CDK12: variants seen among roughly 807,000 people sequenced by gnomAD.
CDK12 encodes the protein cyclin-dependent kinase 12.
Under a neutral mutation model 133.8 loss-of-function variants are expected in CDK12, and 17 were observed. That is an observed-to-expected ratio of 0.13 (90% CI 0.09 to 0.19). The LOEUF (loss-of-function observed/expected upper bound fraction) is 0.19, where lower values mean the gene tolerates loss of function less well. Ranked by LOEUF, CDK12 falls within the 10% of genes least tolerant of loss-of-function variation. The pLI, the probability that CDK12 is intolerant of heterozygous loss-of-function variation, is 1.00. For synonymous variants in CDK12, 694 were observed against 683.6 expected (o/e 1.02, Z -0.24); for missense variants, 1,508 against 1,818.7 (o/e 0.83, Z 3.11).
chr17:39,484,198 C>T (rs1486053149), intron 2 of CDK12, among the ~76,000 whole-genome samples: 1 of 152,116 alleles, frequency 6.6e-6, no homozygotes, highest in Non-Finnish European at 1.5e-5. Flanking sequence ...ATTACACCCA[C>T]AGATTCAGTT....
intron 2 of CDK12, among the ~76,000 whole-genome samples, chr17:39,484,566 A>C (rs2050968875): frequency 6.6e-6 from 1 of 152,208 alleles, no homozygotes; most frequent in Admixed American, 6.6e-5. Context: ...ATTGGAATTT[A>C]CTGAAACAGG....
rs1362175278 is a variant in CDK12, at chr17:39,531,176, C to A, written c.4333C>A (p.Pro1445Thr). ...ATTGCAAAACTATGGGGAGCTGGGG[C>A]CAGGAACCACTGGGGCCAGCAGCTC... ...TKLQNYGELGPGTTGASSSGA... is the reference protein window; with the variant it reads ...TKLQNYGELGTGTTGASSSGA... The change falls in exon 14 of 14, where the codon CCA becomes ACA. Residue 1445 changes from proline to threonine, a missense_variant. By Grantham distance (38) the Pro-to-Thr change is conservative (BLOSUM62 -1). This residue lies in a region of CDK12 where 114 missense variants were observed against 101.2 expected (regional missense o/e 1.13). Transcript: ENST00000447079. 1 of 1,523,550 alleles carries A rather than the reference C, an allele frequency of 6.6e-7. No homozygotes were observed. Among genetic ancestry groups the A allele is most frequent in the South Asian group, 1.3e-5 (1 of 75,656 alleles). The allele number at this position is 1,523,550 out of a possible 1,614,324, so 94.4% of individuals were successfully genotyped here. A position where few individuals can be genotyped will look rare whatever the true frequency, so the allele number is the denominator to read the frequency against.
intron 2 of CDK12, among the ~76,000 whole-genome samples, 172 bp from the exon 3 acceptor site, chr17:39,490,385 T>G (rs375700546): frequency 3.3e-5 from 5 of 151,832 alleles, no homozygotes; most frequent in Admixed American, 2.0e-4. Context: ...AAGAAAAAAA[T>G]TAAGTATCTT....
Position 39,526,132 on chromosome 17 carries a change from A to G in CDK12, c.3576A>G (p.Ala1192=), listed in dbSNP as rs1474542535. ...CTGCCCCAGTGATCCTGCCTTCAGC[A>G]GAACAGACGACCCTTGAAGCTTCAA... ...APSAPVILPS[A]EQTTLEASST... Residue 1192 remains alanine, a synonymous_variant, in exon 13 of 14, where the codon GCA becomes GCG. Coordinates refer to ENST00000447079, the MANE Select transcript of CDK12 (RefSeq NM_016507.4). 1.1e-5 allele frequency: 17 copies of G among 1,614,120 alleles called. No homozygotes were observed. The African/African-American group carries it at 1.5e-4, about 14-fold the overall frequency.
At position 39,530,768 on chromosome 17, in the gene CDK12, G is replaced by A. The variant is rs1387854042; in HGVS notation, c.3925G>A (p.Glu1309Lys). 1.2e-6 allele frequency: 2 copies of A among 1,613,976 alleles called. No homozygotes were observed. Among genetic ancestry groups the A allele is most frequent in the African/African-American group, 1.3e-5 (1 of 74,894 alleles). The change falls in exon 14 of 14, where the codon GAA becomes AAA. Residue 1309 changes from glutamate (E) to lysine (K), a missense_variant. Coordinates refer to ENST00000447079, the MANE Select transcript of CDK12 (RefSeq NM_016507.4). ...CTTGCTGCAACTTTTATCCCAGCCT[G>A]AAGCAGAGCCTCCTGGCCACCTGCC... ...AALLQLLSQP[E>K]AEPPGHLPHE...
chr17:39,523,189 T>C (rs2054286914), intron 11 of CDK12, among the ~76,000 whole-genome samples: 1 of 152,032 alleles, frequency 6.6e-6, no homozygotes, highest in African/African-American at 2.4e-5. Flanking sequence ...AAGTCTTTTA[T>C]CTGGCCTGGC....
chr17:39,472,701 AATAACGTTCT>A (rs768500027), intron 2 of CDK12, among the ~76,000 whole-genome samples: 2 of 152,182 alleles, frequency 1.3e-5, no homozygotes, highest in Non-Finnish European at 2.9e-5. Flanking sequence ...CTCTCCTAAT[AATAACGTTCT>A]ATATAATTAC....
chr17:39,497,597 A>G (rs899762293), intron 5 of CDK12, among the ~76,000 whole-genome samples: 2 of 151,714 alleles, frequency 1.3e-5, no homozygotes, highest in African/African-American at 4.8e-5. Context: ...ATTATTTTAT[A>G]TATTATTTTA....
chr17:39,505,661 A>C (rs752719161), intron 6 of CDK12, among the ~76,000 whole-genome samples: 1 of 152,098 alleles, frequency 6.6e-6, no homozygotes, highest in Admixed American at 6.6e-5. Context: ...CATGCTTTTT[A>C]TGTACCATTG....
rs750415711 is a variant in CDK12 at position 39,520,072 on chromosome 17, A to C, written c.3080A>C (p.Lys1027Thr). The stretch of plus-strand genomic sequence containing the variant: ...TTCCTTAAAGATGTCGAACTCAGCA[A>C]AATGGCTCCTCCAGAGTAAGTGCTG... ...SDFLKDVELS[K>T]MAPPDLPHWQ... Residue 1027 changes from lysine (K) to threonine (T), a missense_variant, in exon 11 of 14, where the codon AAA (lysine) becomes ACA (threonine). This residue lies in a region of CDK12 where 399 missense variants were observed against 469.6 expected (regional missense o/e 0.85). Coordinates refer to ENST00000447079, the MANE Select transcript of CDK12 (RefSeq NM_016507.4). 48 of 1,613,924 alleles carry C rather than the reference A, an allele frequency of 3.0e-5. No homozygotes were observed. Among genetic ancestry groups the C allele is most frequent in the Non-Finnish European group, 3.8e-5 (45 of 1,179,970 alleles).
intron 1 of CDK12, among the ~76,000 whole-genome samples, chr17:39,467,814 A>C (rs1275783710): frequency 6.6e-6 from 1 of 152,038 alleles, no homozygotes; most frequent in Non-Finnish European, 1.5e-5. Context: ...GGTCAATATC[A>C]GTACCTTTCA....
intron 6 of CDK12, among the ~76,000 whole-genome samples, chr17:39,506,540 A>G (rs771292790): frequency 6.6e-6 from 1 of 151,964 alleles, no homozygotes; most frequent in African/African-American, 2.4e-5. Flanking sequence ...TATTCTTTAC[A>G]CTTGTGTTCA....
At chr17:39,547,243 C>A (rs2055757489), upstream of CDK12, among the ~76,000 whole-genome samples, 1 of 146,648 alleles carries the variant, frequency 6.8e-6, no homozygotes, top group Non-Finnish European at 1.5e-5. Context: ...TCAAGCTATA[C>A]TCCTGCCTCA....
chr17:39,511,083 C>T (rs1351569611), intron 7 of CDK12, among the ~76,000 whole-genome samples: 2 of 150,142 alleles, frequency 1.3e-5, no homozygotes, highest in African/African-American at 4.9e-5. Context: ...AGTGTGGTGG[C>T]GGGCGCCTGT....
intron 2 of CDK12, among the ~76,000 whole-genome samples, chr17:39,481,872 C>T (rs1199360671): frequency 4.6e-5 from 7 of 151,790 alleles, no homozygotes; most frequent in Non-Finnish European, 1.0e-4. Flanking sequence ...AGGCAAGCGC[C>T]ACCATGCCTG....
At chr17:39,491,085 T>C (rs1285815968) in intron 3 of CDK12, among the ~76,000 whole-genome samples, 4 of 152,144 alleles carry the variant, frequency 2.6e-5, no homozygotes, top group Non-Finnish European at 5.9e-5. Flanking sequence ...AACCAAAAAT[T>C]AATAGATATG....
In CDK12 at chr17:39,471,383, G is replaced by C. The variant is rs755733168; in HGVS notation, c.1551G>C (p.Glu517Asp). 2 of 1,614,018 alleles carry C rather than the reference G, an allele frequency of 1.2e-6. No homozygotes were observed. Among genetic ancestry groups the C allele is most frequent in the Admixed American group, 3.3e-5 (2 of 59,964 alleles). ...ALKEEIVTPK[E>D]TETSEKETPP... ...AAGAGGAGATTGTTACTCCAAAGGA[G>C]ACAGAAACATCAGAAAAGGAGACCC... Residue 517 changes from glutamate to aspartate, a missense_variant, in exon 2 of 14, where the codon GAG (glutamate) becomes GAC (aspartate). Physicochemically the swap from Glu to Asp is conservative, Grantham distance 45. Transcript: ENST00000447079.
At chr17:39,540,835 G>A (rs2055374139) in intron 1 of CDK12, among the ~76,000 whole-genome samples, 1 of 152,190 alleles carries the variant, frequency 6.6e-6, no homozygotes, top group Non-Finnish European at 1.5e-5. Context: ...GCTGAAACGG[G>A]GCCTCAGCCA....
chr17:39,521,917 T>C (rs1199700449), intron 11 of CDK12, among the ~76,000 whole-genome samples: 1 of 151,624 alleles, frequency 6.6e-6, no homozygotes, highest in Admixed American at 6.6e-5. Flanking sequence ...GTCCAGACTG[T>C]CTCAAACTCC....
Sources: allele counts gnomAD v4.1 joint callset (sites outside exome capture counted in the v4.1 genomes callset), GRCh38; gene constraint gnomAD v4.1.1; regional missense constraint gnomAD v4.1.1; transcripts MANE v1.5; gene names NCBI Gene and HGNC (gene_info 2026-07-23, HGNC 2026-07-21).